The following RAD54L2 variants were observed in gnomAD, a reference collection of about 807,000 sequenced individuals.
RAD54L2 encodes helicase ARIP4.
RAD54L2 carries 27 observed loss-of-function variants against 138.4 expected under a neutral mutation model. The ratio of observed to expected loss-of-function variants is 0.20; its 90% CI spans 0.14 to 0.27. The LOEUF is 0.27. RAD54L2 is among the 10% of genes least tolerant of loss of function. The pLI is 1.00. For missense variants in RAD54L2, 1,396 were observed against 1,890.2 expected, an observed-to-expected ratio of 0.74 and a Z score of 4.85; for synonymous variants, 644 against 723.2, an observed-to-expected ratio of 0.89 and a Z score of 1.76.
intron 14 of RAD54L2, among the ~76,000 whole-genome samples, chr3:51,641,052 G>GC (rs1157371324): frequency 1.3e-5 from 2 of 151,996 alleles, no homozygotes; most frequent in African/African-American, 4.8e-5. Flanking sequence ...GCCCAGGCTG[G>GC]AGTGCAGTGG....
chr3:51,649,549 A>C (rs1169960233), intron 19 of RAD54L2, among the ~76,000 whole-genome samples: 1 of 152,206 alleles, frequency 6.6e-6, no homozygotes, highest in Non-Finnish European at 1.5e-5. Flanking sequence ...GCCAGAGAGA[A>C]AGGTCGGGTT....
intron 19 of RAD54L2, among the ~76,000 whole-genome samples, chr3:51,654,257 C>T (rs1701534807): frequency 6.6e-6 from 1 of 152,176 alleles, no homozygotes; most frequent in Non-Finnish European, 1.5e-5. Flanking sequence ...CCATGTTGGC[C>T]AGGCTGGTCT....
chr3:51,614,383 C>T (rs969721311), intron 3 of RAD54L2, among the ~76,000 whole-genome samples: 4 of 151,904 alleles, frequency 2.6e-5, no homozygotes, highest in Admixed American at 6.6e-5. Context: ...AGCCTGGTCT[C>T]GAACTCCTGA....
intron 2 of RAD54L2, among the ~76,000 whole-genome samples, chr3:51,552,297 C>T (rs1208821114): frequency 1.3e-5 from 2 of 151,922 alleles, no homozygotes; most frequent in Non-Finnish European, 2.9e-5. Flanking sequence ...GAGTCTTGCT[C>T]TGTCGCCCAG....
intron 2 of RAD54L2, among the ~76,000 whole-genome samples, chr3:51,542,406 C>T (rs1249501462): frequency 1.3e-5 from 2 of 151,400 alleles, no homozygotes; most frequent in African/African-American, 4.8e-5. Flanking sequence ...CAGCTGTCTG[C>T]ACCTGTTGGC....
At chr3:51,546,477 C>T (rs910305771) in intron 2 of RAD54L2, among the ~76,000 whole-genome samples, 1 of 150,498 alleles carries the variant, frequency 6.6e-6, no homozygotes, top group Non-Finnish European at 1.5e-5. Flanking sequence ...CCCATCTCTA[C>T]TAAAAGTACA....
At position 51,663,989 on chromosome 3, in the gene RAD54L2, G is replaced by T; in HGVS notation, c.*569G>T. On this transcript the variant is annotated 3_prime_UTR_variant, in exon 23 of 23. Coordinates refer to ENST00000684192, the MANE Select transcript of RAD54L2 (RefSeq NM_015106.4). ...ATGTTTATTTTGTATGTGTATGTAT[G>T]GAACAGAGCAGGGGTGAAGGTGGGA... The T allele has an allele frequency of 6.5e-6, 1 of 153,566 alleles. No individual in the cohort carries two copies. The allele number at this position is 153,566 out of a possible 1,614,324, so 9.5% of individuals were successfully genotyped here.
At chr3:51,629,046 C>T (rs916878620) in intron 4 of RAD54L2, among the ~76,000 whole-genome samples, 2 of 152,158 alleles carry the variant, frequency 1.3e-5, no homozygotes, top group Non-Finnish European at 2.9e-5. Context: ...TGCTTTTCAG[C>T]TTTGTGAATC....
intron 20 of RAD54L2, among the ~76,000 whole-genome samples, chr3:51,656,910 G>C (rs1345440215): frequency 6.6e-6 from 1 of 151,914 alleles, no homozygotes; most frequent in East Asian, 1.9e-4. Context: ...GAACTTTTTT[G>C]TATTTTAATA....
chr3:51,661,577 A>C (rs930775817), intron 22 of RAD54L2, among the ~76,000 whole-genome samples: 3 of 152,250 alleles, frequency 2.0e-5, no homozygotes, highest in African/African-American at 7.2e-5. Flanking sequence ...ACTCTTGCCA[A>C]GTTCCCCTCA....
At chr3:51,614,232 G>A (rs1700394692) in intron 3 of RAD54L2, among the ~76,000 whole-genome samples, 1 of 151,366 alleles carries the variant, frequency 6.6e-6, no homozygotes, top group African/African-American at 2.4e-5. Context: ...AATGATCTTA[G>A]TTCCCTGTAA....
intron 4 of RAD54L2, among the ~76,000 whole-genome samples, chr3:51,628,527 C>A (rs1700748416): frequency 6.6e-6 from 1 of 151,908 alleles, no homozygotes; most frequent in Non-Finnish European, 1.5e-5. Flanking sequence ...GTAGCTGGAA[C>A]CATAGGTGCC....
At chr3:51,630,147 C>G in intron 5 of RAD54L2, 125 bp from the exon 6 acceptor site, 2 of 691,342 alleles carry the variant, frequency 2.9e-6, no homozygotes, top group Non-Finnish European at 4.9e-6. Context: ...ATGGGCTCTG[C>G]TTCTCTTCTC....
At chr3:51,628,313 C>T (rs925269800) in intron 4 of RAD54L2, among the ~76,000 whole-genome samples, 1 of 151,884 alleles carries the variant, frequency 6.6e-6, no homozygotes, top group African/African-American at 2.4e-5. Flanking sequence ...AAAAAAATAA[C>T]GACAACTTGA....
rs1701836436 is a variant in RAD54L2, at chr3:51,663,336, C to T, written c.4320C>T (p.Asp1440=). 4.3e-6 allele frequency: 7 copies of T among 1,613,904 alleles called. No homozygotes were observed. The African/African-American group carries it at 8.0e-5, about 18-fold the overall frequency. The change falls in exon 23 of 23, where the codon GAC becomes GAT. Residue 1440 remains aspartate (D), a synonymous_variant. Transcript: ENST00000684192. The part of the protein sequence containing the change: ...GLLRSQVPPF[D]SHEVAEVGFS... ...TACGGTCCCAGGTGCCTCCATTTGA[C>T]TCTCATGAGGTTGCCGAGGTTGGGT...
chr3:51,614,540 A>T (rs373873346), intron 3 of RAD54L2, among the ~76,000 whole-genome samples: 27 of 151,166 alleles, frequency 1.8e-4, no homozygotes, highest in African/African-American at 6.1e-4. Flanking sequence ...TTGAAACAAG[A>T]TCTTGCTCTG....
At chr3:51,549,224 C>T (rs144472569) in intron 2 of RAD54L2, among the ~76,000 whole-genome samples, 18 of 152,118 alleles carry the variant, frequency 1.2e-4, no homozygotes, top group African/African-American at 3.9e-4. Context: ...AACTCCTGGA[C>T]CTCAGGTGAT....
chr3:51,644,947 A>T, intron 16 of RAD54L2, 77 bp from the exon 17 acceptor site: 1 of 1,449,404 alleles, frequency 6.9e-7, no homozygotes, highest in South Asian at 1.2e-5. Flanking sequence ...TTGGGGTAGA[A>T]GTCACAGAGG....
chr3:51,639,070 T>G (rs1001237801), intron 12 of RAD54L2: 1 of 273,654 alleles, frequency 3.7e-6, no homozygotes, highest in Non-Finnish European at 7.0e-6. Flanking sequence ...GTCTATAGTT[T>G]TATACAGTAG....
Sources: gnomAD v4.1 joint callset for allele counts (sites outside exome capture counted in the v4.1 genomes callset) on GRCh38, gnomAD v4.1.1 for gene constraint, MANE v1.5 for transcripts, NCBI Gene and HGNC (gene_info 2026-07-23, HGNC 2026-07-21) for gene names.